FNDC3B: variants seen among roughly 807,000 people sequenced by gnomAD.
The protein encoded by FNDC3B is fibronectin type III domain-containing protein 3B.
FNDC3B carries 12 observed loss-of-function variants against 151.5 expected under a neutral mutation model. The ratio of observed to expected loss-of-function variants is 0.08; its 90% CI spans 0.05 to 0.13. FNDC3B has a LOEUF of 0.13. Among genes scored for constraint, FNDC3B ranks in the 10% least tolerant of loss-of-function variants. The pLI is 1.00. For synonymous variants in FNDC3B, 528 were observed against 549.0 expected, an observed-to-expected ratio of 0.96 and a Z score of 0.54; for missense variants, 1,214 against 1,505.3, an observed-to-expected ratio of 0.81 and a Z score of 3.20.
intron 3 of FNDC3B, 47 bp from the exon 4 acceptor site, chr3:172,226,824 A>G (rs999730834): frequency 5.3e-6 from 6 of 1,137,342 alleles, no homozygotes; most frequent in African/African-American, 4.6e-5. Flanking sequence ...ATTATTTTGA[A>G]TAATGTATGT....
chr3:172,187,296 TTACTTG>T (rs1724237609), intron 3 of FNDC3B: 1 of 152,310 alleles, frequency 6.6e-6, no homozygotes, highest in Admixed American at 6.5e-5. Context: ...AGCAAAAACA[TTACTTG>T]ACCTCTTCTT....
At chr3:172,355,290 A>G (rs1734039897) in intron 22 of FNDC3B, among the ~76,000 whole-genome samples, 1 of 152,144 alleles carries the variant, frequency 6.6e-6, no homozygotes, top group African/African-American at 2.4e-5. Context: ...TGGCTTGAGC[A>G]TCTTCAGTGA....
chr3:172,136,491 T>C (rs546454031), intron 3 of FNDC3B, among the ~76,000 whole-genome samples: 113 of 152,262 alleles, frequency 7.4e-4, no homozygotes, highest in African/African-American at 2.6e-3. Context: ...CCAGCTGTTG[T>C]TGATTGGGGC....
intron 3 of FNDC3B, among the ~76,000 whole-genome samples, chr3:172,139,390 G>T (rs779342297): frequency 2.0e-5 from 3 of 152,080 alleles, no homozygotes; most frequent in Non-Finnish European, 4.4e-5. Flanking sequence ...GCATGCATAT[G>T]GTCTCTCCCT....
intron 3 of FNDC3B, among the ~76,000 whole-genome samples, chr3:172,186,448 T>C (rs948219302): frequency 6.6e-6 from 1 of 152,184 alleles, no homozygotes; most frequent in Non-Finnish European, 1.5e-5. Flanking sequence ...GGTGACTTCA[T>C]AGAAGACCAC....
At chr3:172,317,133 A>G in intron 11 of FNDC3B, 1 of 445,046 alleles carries the variant, frequency 2.2e-6, no homozygotes, top group Non-Finnish European at 4.5e-6. Context: ...CAAGGAAAAA[A>G]AAATGACCAC....
In FNDC3B at chr3:172,324,469, C is replaced by T. The variant is rs369623506; in HGVS notation, c.1255-4483C>T. Reference sequence around the variant, plus strand: ...ACTCAGCTTGGGAAAGGAAACAACCCACGTTTGCAATGCGTCATCCTGCGC... The same window carrying T: ...ACTCAGCTTGGGAAAGGAAACAACCTACGTTTGCAATGCGTCATCCTGCGC... On this transcript the variant is annotated intron_variant, in intron 11 of 25. Transcript: ENST00000415807. Among the ~76,000 whole-genome samples, 16 of 152,276 alleles carry T rather than the reference C, an allele frequency of 1.1e-4. No homozygotes were observed. In the South Asian group the frequency reaches 3.1e-3, roughly 30 times the overall value.
At chr3:172,251,060 C>T (rs777808402) in intron 5 of FNDC3B, among the ~76,000 whole-genome samples, 200 bp from the exon 6 acceptor site, 13 of 152,106 alleles carry the variant, frequency 8.5e-5, no homozygotes, top group African/African-American at 1.4e-4. Flanking sequence ...TCAGACAGTC[C>T]GCCCACCTCG....
intron 3 of FNDC3B, among the ~76,000 whole-genome samples, chr3:172,188,515 C>T (rs1724323770): frequency 6.6e-6 from 1 of 152,100 alleles, no homozygotes; most frequent in Admixed American, 6.5e-5. Flanking sequence ...AAGCAATTCT[C>T]CTGCCTCAGC....
At chr3:172,051,787 A>G (rs1303501050) in intron 1 of FNDC3B, among the ~76,000 whole-genome samples, 1 of 152,218 alleles carries the variant, frequency 6.6e-6, no homozygotes, top group African/African-American at 2.4e-5. Context: ...GGCATGAGTC[A>G]CCTGTAGTGC....
At chr3:172,259,861 T>C (rs557164531) in intron 6 of FNDC3B, among the ~76,000 whole-genome samples, 1 of 152,226 alleles carries the variant, frequency 6.6e-6, no homozygotes. Flanking sequence ...CATGTCAAGT[T>C]AAGAAGTCTT....
At chr3:172,061,033 AGT>A (rs928590912) in intron 1 of FNDC3B, among the ~76,000 whole-genome samples, 6 of 152,208 alleles carry the variant, frequency 3.9e-5, no homozygotes, top group Admixed American at 1.3e-4. Context: ...AAATGAAGGC[AGT>A]GTTTCTATAC....
At chr3:172,088,898 T>C (rs1718679366) in intron 1 of FNDC3B, among the ~76,000 whole-genome samples, 1 of 152,206 alleles carries the variant, frequency 6.6e-6, no homozygotes. Context: ...GCTATAACAA[T>C]AGTAATATTT....
intron 2 of FNDC3B, chr3:172,126,909 T>C: frequency 2.5e-6 from 1 of 396,146 alleles, no homozygotes; most frequent in Non-Finnish European, 5.1e-6. Context: ...AGGGCTTAGA[T>C]TTCAGAACTT....
At chr3:172,060,933 T>C (rs141416816) in intron 1 of FNDC3B, among the ~76,000 whole-genome samples, 354 of 152,374 alleles carry the variant, frequency 2.3e-3, no homozygotes, top group African/African-American at 5.9e-3. Flanking sequence ...TATGTGAAGA[T>C]AGAAAGGTTT....
rs545552441 is a variant in FNDC3B, at chr3:172,097,284, A to G, written c.-28-15168A>G. 3.3e-5 allele frequency among the ~76,000 whole-genome samples: 5 copies of G among 152,346 alleles called. No individual in the cohort carries two copies. In the East Asian group the frequency reaches 9.6e-4, roughly 29 times the overall value. ...AGCATGCCTAATCTAAGGATTACTC[A>G]GCAAACATGACCTTAGGGCTGGTTT... is the stretch of plus-strand genomic sequence containing the variant. On this transcript the variant is annotated intron_variant, in intron 1 of 25. Transcript: ENST00000415807.
intron 22 of FNDC3B, among the ~76,000 whole-genome samples, chr3:172,353,912 G>A (rs1394547386): frequency 6.6e-6 from 1 of 151,362 alleles, no homozygotes; most frequent in Non-Finnish European, 1.5e-5. Context: ...TACCATTTTA[G>A]ACAGATGGAA....
At chr3:172,115,962 G>A (rs776481134) in intron 2 of FNDC3B, among the ~76,000 whole-genome samples, 8 of 152,188 alleles carry the variant, frequency 5.3e-5, no homozygotes, top group Non-Finnish European at 1.2e-4. Context: ...TTTCTGTTCT[G>A]CTGGTTCTGG....
At chr3:172,121,843 A>T (rs1720563703) in intron 2 of FNDC3B, among the ~76,000 whole-genome samples, 1 of 152,208 alleles carries the variant, frequency 6.6e-6, no homozygotes, top group Admixed American at 6.5e-5. Flanking sequence ...CTGGGATTAC[A>T]GGTGTGAGCC....
Sources: gnomAD v4.1 joint callset for allele counts (sites outside exome capture counted in the v4.1 genomes callset) on GRCh38, gnomAD v4.1.1 for gene constraint, MANE v1.5 for transcripts, NCBI Gene and HGNC (gene_info 2026-07-23, HGNC 2026-07-21) for gene names.